IRAG1: variants seen among roughly 807,000 people sequenced by gnomAD.
IRAG1 encodes the protein IP3R-associated cGMP kinase substrate.
In IRAG1, 62 loss-of-function variants were observed where a neutral mutation model predicts 106.2. That is an observed-to-expected ratio of 0.58 (90% CI 0.48 to 0.72). IRAG1 has a LOEUF of 0.72. Ranked by LOEUF, IRAG1 falls within the 30% of genes least tolerant of loss-of-function variation. IRAG1 has a pLI of 0.00. For synonymous variants in IRAG1, 462 were observed against 443.9 expected (o/e 1.04, Z -0.51); for missense variants, 1,064 against 1,140.7 (o/e 0.93, Z 0.97).
At chr11:10,603,380 T>C in intron 13 of IRAG1, 129 bp from the exon 14 acceptor site, 1 of 1,032,494 alleles carries the variant, frequency 9.7e-7, no homozygotes. Flanking sequence ...GTGGGGGCGA[T>C]GGTTTGGGGA....
chr11:10,631,253 A>G (rs1040061310), intron 4 of IRAG1, among the ~76,000 whole-genome samples: 5 of 152,124 alleles, frequency 3.3e-5, no homozygotes, highest in African/African-American at 4.8e-5. Flanking sequence ...AAAAGTCCCA[A>G]TTGGTACACA....
intron 2 of IRAG1, among the ~76,000 whole-genome samples, chr11:10,644,809 G>A (rs769147344): frequency 6.6e-6 from 1 of 152,168 alleles, no homozygotes; most frequent in South Asian, 2.1e-4. Flanking sequence ...TTCTCTAGTC[G>A]GGCAGCACAC....
At chr11:10,599,499 G>A (rs1315947466) in intron 15 of IRAG1, among the ~76,000 whole-genome samples, 1 of 152,182 alleles carries the variant, frequency 6.6e-6, no homozygotes, top group Non-Finnish European at 1.5e-5. Context: ...TGTGGGTCAG[G>A]AGCCTTGCTG....
Position 10,652,116 on chromosome 11 carries a change from C to CCA in IRAG1, c.132_133dup (p.Gly45ValfsTer49). 1 of 1,610,790 alleles carries CCA rather than the reference C, an allele frequency of 6.2e-7. No individual in the cohort carries two copies. The highest frequency in any genetic ancestry group is 8.5e-7 in the Non-Finnish European group (1 of 1,178,756). Reference sequence around the variant, plus strand: ...CATGGCAGCCTCCTGCTGGGAGTGGCCACGTGTGCCCGGAACCTCCGCTGC... The same window carrying CCA: ...CATGGCAGCCTCCTGCTGGGAGTGGCCACACGTGTGCCCGGAACCTCCGCTGC... On this transcript the variant is annotated frameshift_variant, in exon 2 of 21. Transcript: ENST00000423302. LOFTEE classifies it high-confidence loss of function.
At chr11:10,669,460 C>G (rs547315853) in intron 1 of IRAG1, among the ~76,000 whole-genome samples, 1 of 152,224 alleles carries the variant, frequency 6.6e-6, no homozygotes, top group Non-Finnish European at 1.5e-5. Flanking sequence ...CTCTTCCATG[C>G]TGCAGTAGCA....
chr11:10,649,909 A>G (rs1333417665), intron 2 of IRAG1, among the ~76,000 whole-genome samples: 2 of 152,192 alleles, frequency 1.3e-5, no homozygotes, highest in Non-Finnish European at 2.9e-5. Flanking sequence ...TTCAAGTGCC[A>G]TGATTCTCTC....
intron 10 of IRAG1, among the ~76,000 whole-genome samples, chr11:10,621,340 G>A (rs1299599702): frequency 6.6e-6 from 1 of 152,148 alleles, no homozygotes; most frequent in Non-Finnish European, 1.5e-5. Flanking sequence ...GTGACATCCT[G>A]GACACATTCA....
intron 10 of IRAG1, among the ~76,000 whole-genome samples, chr11:10,610,956 C>T (rs1854909063): frequency 6.6e-6 from 1 of 152,158 alleles, no homozygotes; most frequent in Non-Finnish European, 1.5e-5. Context: ...AATCATTTTC[C>T]AGGATCCTAG....
chr11:10,669,004 T>C (rs1860007765), intron 1 of IRAG1, among the ~76,000 whole-genome samples: 1 of 152,112 alleles, frequency 6.6e-6, no homozygotes, highest in African/African-American at 2.4e-5. Context: ...TTTCCCCTGA[T>C]AGAGAGGGGA....
At chr11:10,589,504 T>C (rs2134183990) in intron 18 of IRAG1, among the ~76,000 whole-genome samples, 1 of 152,244 alleles carries the variant, frequency 6.6e-6, no homozygotes, top group East Asian at 1.9e-4. Flanking sequence ...CCTGACCTCA[T>C]GAACCACCCG....
chr11:10,627,410 A>T (rs2134581904), intron 8 of IRAG1, among the ~76,000 whole-genome samples: 1 of 152,230 alleles, frequency 6.6e-6, no homozygotes, highest in East Asian at 1.9e-4. Context: ...ACTGGAGCTG[A>T]CAGGAGCCAC....
rs757419782 is a variant in IRAG1, at chr11:10,657,944, G to A, written c.68-5762C>T. Among the ~76,000 whole-genome samples the A allele has an allele frequency of 2.6e-5, 4 of 152,214 alleles. No homozygotes were observed. Among genetic ancestry groups the A allele is most frequent in the Admixed American group, 2.0e-4 (3 of 15,286 alleles). ...AAAGTCCCCAGAGCACCCATGCCCCGAGCCCGGCTGCATGTGGCAGCTTTC... is the reference window on the plus strand; with the variant it reads ...AAAGTCCCCAGAGCACCCATGCCCCAAGCCCGGCTGCATGTGGCAGCTTTC... On this transcript the variant is annotated intron_variant, in intron 1 of 20. Transcript: ENST00000423302. The surrounding 1 kb of genome is among the most constrained non-coding windows in gnomAD (Gnocchi z 4.1).
chr11:10,578,731 T>C (rs1156485743), intron 20 of IRAG1, among the ~76,000 whole-genome samples: 1 of 152,248 alleles, frequency 6.6e-6, no homozygotes, highest in African/African-American at 2.4e-5. Context: ...TAAGCCTTAC[T>C]TCCCCTGGGG....
In IRAG1 at chr11:10,627,755, C is replaced by T. The variant is rs1230325020; in HGVS notation, c.711G>A (p.Gly237=). The T allele has an allele frequency of 2.5e-6, 4 of 1,613,878 alleles. No individual in the cohort carries two copies. The highest frequency in any genetic ancestry group is 1.3e-5 in the African/African-American group (1 of 74,942). The change falls in exon 8 of 21, where the codon GGG becomes GGA. Residue 237 remains glycine (G), a synonymous_variant. Transcript: ENST00000423302. ...SPLPGAPPQK[G]DEADVSSPHP... The stretch of plus-strand genomic sequence containing the variant: ...GAGGTGAAGAGACGTCGGCCTCATC[C>T]CCCTTCTGCTGGAGAAGGTGAACAG...
intron 10 of IRAG1, among the ~76,000 whole-genome samples, chr11:10,617,440 G>A (rs1855517571): frequency 6.6e-6 from 1 of 152,122 alleles, no homozygotes; most frequent in Admixed American, 6.6e-5. Context: ...GAAACTGTAG[G>A]ACCTGCTGAA....
At chr11:10,591,072 C>T (rs1193744566) in intron 18 of IRAG1, among the ~76,000 whole-genome samples, 7 of 152,168 alleles carry the variant, frequency 4.6e-5, no homozygotes, top group African/African-American at 1.7e-4. Flanking sequence ...CCCTTTCTTC[C>T]TCTAGGTATT....
rs1591625362 is a variant in IRAG1 at position 10,622,575 on chromosome 11, G to GT, written c.1447+1202dup. Among the ~76,000 whole-genome samples the GT allele has an allele frequency of 2.0e-5, 3 of 152,142 alleles. No individual in the cohort carries two copies. In the East Asian group the frequency reaches 5.8e-4, roughly 29 times the overall value. On this transcript the variant is annotated intron_variant, in intron 10 of 20. Coordinates refer to ENST00000423302, the MANE Select transcript of IRAG1 (RefSeq NM_130385.4). ...CCTAGAGTACAGTGGCACGATCACA[G>GT]TTCACTGCAGCCTTGACCTCCCAGG...
chr11:10,661,827 C>T (rs909179044), intron 1 of IRAG1, among the ~76,000 whole-genome samples: 1 of 152,148 alleles, frequency 6.6e-6, no homozygotes, highest in African/African-American at 2.4e-5. Flanking sequence ...TTTAAGGTAA[C>T]ATCTTCATAG....
At position 10,678,948 on chromosome 11, in the gene IRAG1, C is replaced by T. The variant is rs192016121; in HGVS notation, c.67+14588G>A. On this transcript the variant is annotated intron_variant, in intron 1 of 20. Transcript: ENST00000423302. ...TCAACCTCAGCTCTCTAAATTTCCT[C>T]CCTGTTCTTTTGTTCAACCCAAGGT... 3.9e-5 allele frequency among the ~76,000 whole-genome samples: 6 copies of T among 152,330 alleles called. No individual in the cohort carries two copies. In the East Asian group the frequency reaches 1.2e-3, roughly 29 times the overall value.
Sources: gnomAD v4.1 joint callset for allele counts (sites outside exome capture counted in the v4.1 genomes callset) on GRCh38, gnomAD v4.1.1 for gene constraint, Gnocchi (gnomAD v3.1) non-coding constraint, MANE v1.5 for transcripts, NCBI Gene and HGNC (gene_info 2026-07-23, HGNC 2026-07-21) for gene names.